POLR1A: variants seen among roughly 807,000 people sequenced by gnomAD.
POLR1A encodes DNA-directed RNA polymerase I subunit RPA1.
In POLR1A, 84 loss-of-function variants were observed where a neutral mutation model predicts 205.3. That is an observed-to-expected ratio of 0.41 (90% CI 0.34 to 0.49). The LOEUF is 0.49. Ranked by LOEUF, POLR1A falls within the 20% of genes least tolerant of loss-of-function variation. The pLI is 0.22. For missense variants in POLR1A, 1,645 were observed against 2,204.5 expected, an observed-to-expected ratio of 0.75 and a Z score of 5.08; for synonymous variants, 799 against 863.7, an observed-to-expected ratio of 0.93 and a Z score of 1.31.
intron 14 of POLR1A, among the ~76,000 whole-genome samples, chr2:86,055,164 G>A (rs1366045393): frequency 2.0e-5 from 3 of 152,138 alleles, no homozygotes; most frequent in South Asian, 2.1e-4. Context: ...GCATGGTGGC[G>A]TGCACCTATA....
intron 24 of POLR1A, among the ~76,000 whole-genome samples, chr2:86,040,930 A>G (rs970084243): frequency 6.6e-6 from 1 of 152,122 alleles, no homozygotes; most frequent in Admixed American, 6.5e-5. Flanking sequence ...AATTATGACA[A>G]TTTGGAGACA....
chr2:86,021,537 T>A lies in POLR1A; in HGVS notation c.*5886A>T, dbSNP rs574819348. On this transcript the variant is annotated 3_prime_UTR_variant, in exon 34 of 34. Transcript: ENST00000263857. ...ACTCTGTCCTTCCTACAAAGCACCC[T>A]CTAGAGTGCAGCCAGCTGGGCAAGG... The A allele has an allele frequency of 6.6e-6, 1 of 152,542 alleles. No homozygotes were observed. The highest frequency in any genetic ancestry group is 2.4e-5 in the African/African-American group (1 of 41,586). The allele number at this position is 152,542 out of a possible 1,614,324, so 9.4% of individuals were successfully genotyped here.
rs1264543919 is a variant in POLR1A, at chr2:86,054,124, A to G, written c.2208+16T>C. On this transcript the variant is annotated intron_variant, in intron 15 of 33. Transcript: ENST00000263857. ...GGCACTAGAAGTCTCCACTCCACAC[A>G]GCTGGACAGCCATACCTGGGACTCG... 6.2e-7 allele frequency: 1 copy of G among 1,613,710 alleles called. No individual in the cohort carries two copies. Among genetic ancestry groups the G allele is most frequent in the East Asian group, 2.2e-5 (1 of 44,882 alleles).
chr2:86,105,533 T>G lies in POLR1A; in HGVS notation c.77+167A>C, dbSNP rs4832244. Among the ~76,000 whole-genome samples, 109,924 of 151,912 alleles carry G rather than the reference T, an allele frequency of 0.72. 42,187 individuals are homozygous for G. The highest frequency in any genetic ancestry group is 0.85 in the Non-Finnish European group (57,555 of 67,978). On this transcript the variant is annotated intron_variant, in intron 1 of 33. Coordinates refer to ENST00000263857, the MANE Select transcript of POLR1A (RefSeq NM_015425.6). ...CACCACCGGCCTCTTATCCAGGCAG[T>G]CCACGCCGGCCCAGGAACGTTCCCA...
intron 16 of POLR1A, among the ~76,000 whole-genome samples, chr2:86,052,146 T>C (rs1672814474): frequency 6.6e-6 from 1 of 152,304 alleles, no homozygotes; most frequent in South Asian, 2.1e-4. Flanking sequence ...GGTTTCTCCA[T>C]GTTGGCCAGG....
rs1021185385 is a variant in POLR1A, at chr2:86,043,085, G to A, written c.3246C>T (p.Thr1082=). 1 of 1,614,112 alleles carries A rather than the reference G, an allele frequency of 6.2e-7. No individual in the cohort carries two copies. Among genetic ancestry groups the A allele is most frequent in the African/African-American group, 1.3e-5 (1 of 75,022 alleles). The stretch of plus-strand genomic sequence containing the variant: ...TCAAGAAGGCGCCTCTTCTCAGCAG[G>A]GTGTTGGGGTGCTTGCTTTGCCATT... ...IKKWQSKHPN[T]LLRRGAFLSY... Residue 1082 remains threonine, a synonymous_variant, in exon 23 of 34, where the codon ACC becomes ACT. Transcript: ENST00000263857.
At chr2:86,081,091 C>T in intron 8 of POLR1A, 113 bp from the exon 9 acceptor site, 1 of 950,556 alleles carries the variant, frequency 1.1e-6, no homozygotes, top group East Asian at 2.5e-5. Context: ...CTCAAAACAA[C>T]CAACCTTCCT....
intron 25 of POLR1A, 133 bp from the exon 26 acceptor site, chr2:86,039,595 T>C: frequency 9.4e-7 from 1 of 1,061,892 alleles, no homozygotes; most frequent in East Asian, 2.4e-5. Context: ...GATAATATGC[T>C]AGATCAGAGA....
chr2:86,047,050 G>C, intron 19 of POLR1A, 115 bp downstream of exon 19: 1 of 663,798 alleles, frequency 1.5e-6, no homozygotes, highest in Non-Finnish European at 2.7e-6. Context: ...ATTTCTACAC[G>C]CTTTCCTCTT....
rs958215900 is a variant in POLR1A at position 86,025,782 on chromosome 2, A to C, written c.*1641T>G. On this transcript the variant is annotated 3_prime_UTR_variant, in exon 34 of 34. Transcript: ENST00000263857. The stretch of plus-strand genomic sequence containing the variant: ...AGTGTGTGTAGAAATCATCAAGTGA[A>C]TATGGCCTTTAACTCAAAGAATGAA... 1.3e-5 allele frequency: 2 copies of C among 152,214 alleles called. No individual in the cohort carries two copies. Among genetic ancestry groups the C allele is most frequent in the African/African-American group, 4.8e-5 (2 of 41,432 alleles). 9.4% of individuals were successfully genotyped at this position (152,214 alleles called of 1,614,324 possible). A position where few individuals can be genotyped will look rare whatever the true frequency, so the allele number is the denominator to read the frequency against.
chr2:86,044,670 G>A (rs939665074), intron 21 of POLR1A, among the ~76,000 whole-genome samples: 9 of 152,180 alleles, frequency 5.9e-5, no homozygotes, highest in East Asian at 1.9e-4. Flanking sequence ...ACCAAAAGAC[G>A]GGCGAAGCAG....
At chr2:86,095,067 T>C (rs997086674) in intron 3 of POLR1A, among the ~76,000 whole-genome samples, 1 of 152,252 alleles carries the variant, frequency 6.6e-6, no homozygotes, top group Non-Finnish European at 1.5e-5. Flanking sequence ...CGCACAGGGC[T>C]GCCCACATGT....
intron 3 of POLR1A, among the ~76,000 whole-genome samples, chr2:86,093,119 C>T (rs1673637872): frequency 6.6e-6 from 1 of 152,188 alleles, no homozygotes; most frequent in African/African-American, 2.4e-5. Flanking sequence ...CTGAAAATTT[C>T]AGTATATATT....
intron 9 of POLR1A, among the ~76,000 whole-genome samples, chr2:86,080,106 G>T (rs1337898377): frequency 1.3e-5 from 2 of 152,124 alleles, no homozygotes; most frequent in African/African-American, 4.8e-5. Context: ...GGCAGACAGC[G>T]GGACTGTCGC....
chr2:86,102,433 T>C (rs936587136), intron 1 of POLR1A, among the ~76,000 whole-genome samples: 3 of 152,234 alleles, frequency 2.0e-5, no homozygotes, highest in African/African-American at 4.8e-5. Flanking sequence ...TTTGGAAAAA[T>C]GTCTGTTTAA....
In POLR1A at chr2:86,105,808, A is replaced by G. The variant is rs1217588824; in HGVS notation, c.-32T>C. ...GGTCCGTTTTGAATTCCGACACCCC[A>G]AGAGACGTTCCACTCACCACCTGAC... On this transcript the variant is annotated 5_prime_UTR_variant, in exon 1 of 34. Coordinates refer to ENST00000263857, the MANE Select transcript of POLR1A (RefSeq NM_015425.6). The G allele has an allele frequency of 6.4e-7, 1 of 1,568,364 alleles. No individual in the cohort carries two copies. The highest frequency in any genetic ancestry group is 8.8e-7 in the Non-Finnish European group (1 of 1,138,648).
chr2:86,053,270 C>G (rs1293084295), intron 15 of POLR1A, among the ~76,000 whole-genome samples: 5 of 152,102 alleles, frequency 3.3e-5, no homozygotes, highest in Non-Finnish European at 7.4e-5. Context: ...GACATACACA[C>G]ACACTCACAC....
chr2:86,026,640 C>G lies in POLR1A; in HGVS notation c.*783G>C, dbSNP rs1477027155. 2 of 152,454 alleles carry G rather than the reference C, an allele frequency of 1.3e-5. No homozygotes were observed. The highest frequency in any genetic ancestry group is 4.8e-5 in the African/African-American group (2 of 41,468). The allele number at this position is 152,454 out of a possible 1,614,324, so 9.4% of individuals were successfully genotyped here. A position where few individuals can be genotyped will look rare whatever the true frequency, so the allele number is the denominator to read the frequency against. On this transcript the variant is annotated 3_prime_UTR_variant, in exon 34 of 34. Transcript: ENST00000263857. ...AACATAGGCCTCCACACCAAACTGACAGCAGAGAAAAGCCAGGCAACCTGT... is the reference window on the plus strand; with the variant it reads ...AACATAGGCCTCCACACCAAACTGAGAGCAGAGAAAAGCCAGGCAACCTGT...
rs375462534 is a variant in POLR1A, at chr2:86,100,044, T to C, written c.206A>G (p.Gln69Arg). 1.2e-6 allele frequency: 2 copies of C among 1,614,078 alleles called. No homozygotes were observed. The highest frequency in any genetic ancestry group is 1.7e-6 in the Non-Finnish European group (2 of 1,180,040). The change falls in exon 2 of 34, where the codon CAG becomes CGG. Residue 69 changes from glutamine (Q) to arginine (R), a missense_variant. Around this residue, in one of 16 missense-constraint regions of POLR1A, gnomAD observed 330 missense variants for 375.6 expected, o/e 0.88. Transcript: ENST00000263857. ...GTGCCCAGAACAGTTGCTGAAGTCC[T>C]GCACGCAGGTGGAGCACACCTCTTT... is the stretch of plus-strand genomic sequence containing the variant. ...DSKEVCSTCVQDFSNCSGHLG... is the reference protein window; with the variant it reads ...DSKEVCSTCVRDFSNCSGHLG...
Sources: allele counts gnomAD v4.1 joint callset (sites outside exome capture counted in the v4.1 genomes callset), GRCh38; gene constraint gnomAD v4.1.1; regional missense constraint gnomAD v4.1.1; transcripts MANE v1.5; gene names NCBI Gene and HGNC (gene_info 2026-07-23, HGNC 2026-07-21).